ANKS1B: variants seen among roughly 807,000 people sequenced by gnomAD.
The protein encoded by ANKS1B is ankyrin repeat and sterile alpha motif domain containing 1B.
A neutral mutation model predicts 148.3 loss-of-function variants in ANKS1B; 36 were observed. That is an observed-to-expected ratio of 0.24 (90% CI 0.19 to 0.32). The LOEUF (loss-of-function observed/expected upper bound fraction) is 0.32, where lower values mean the gene tolerates loss of function less well. ANKS1B is among the 10% of genes least tolerant of loss of function. The pLI, the probability that ANKS1B is intolerant of heterozygous loss-of-function variation, is 1.00. For synonymous variants in ANKS1B, 542 were observed against 560.8 expected (o/e 0.97, Z 0.47); for missense variants, 1,157 against 1,542.6 (o/e 0.75, Z 4.19).
At chr12:99,837,889 A>G (rs1288206786) in intron 1 of ANKS1B, among the ~76,000 whole-genome samples, 1 of 150,510 alleles carries the variant, frequency 6.6e-6, no homozygotes, top group Non-Finnish European at 1.5e-5. Flanking sequence ...AAATAATTAC[A>G]TTGTACCTTT....
chr12:99,345,049 C>T (rs1383008402), intron 12 of ANKS1B: 1 of 151,994 alleles, frequency 6.6e-6, no homozygotes, highest in African/African-American at 2.4e-5. Flanking sequence ...CTGAAAAAGA[C>T]AACCTGGGAA....
chr12:99,819,755 A>G (rs1353223764), intron 2 of ANKS1B, among the ~76,000 whole-genome samples: 1 of 151,754 alleles, frequency 6.6e-6, no homozygotes, highest in African/African-American at 2.4e-5. Flanking sequence ...CAGGTTTAAT[A>G]TAACCTCACA....
chr12:99,647,987 G>T, intron 9 of ANKS1B: 1 of 721,164 alleles, frequency 1.4e-6, no homozygotes, highest in Non-Finnish European at 2.2e-6. Context: ...ACTGTCTCTG[G>T]CATTGAGCGG....
rs1461604561 is a variant in ANKS1B, at chr12:99,120,694, G to T, written c.2526+33595C>A. ...GACAACGCTGACATTCAGATTTCTG[G>T]CTTAAATGACTGAAAAAATAGTGAT... is the stretch of plus-strand genomic sequence containing the variant. On this transcript the variant is annotated intron_variant, in intron 15 of 26. Coordinates refer to ENST00000683438, the MANE Select transcript of ANKS1B (RefSeq NM_001352186.2). Among the ~76,000 whole-genome samples, 4 of 152,160 alleles carry T rather than the reference G, an allele frequency of 2.6e-5. No homozygotes were observed. The East Asian group carries it at 7.7e-4, about 29-fold the overall frequency.
At chr12:99,544,836 T>C (rs2097158319) in intron 9 of ANKS1B, among the ~76,000 whole-genome samples, 2 of 152,200 alleles carry the variant, frequency 1.3e-5, no homozygotes, top group South Asian at 2.1e-4. Context: ...AAGTCTTACA[T>C]AGTTTTCACA....
intron 17 of ANKS1B, among the ~76,000 whole-genome samples, chr12:98,980,590 TCCTCATAATA>T (rs2099908438): frequency 6.6e-6 from 1 of 152,246 alleles, no homozygotes; most frequent in African/African-American, 2.4e-5. Context: ...GCTTTTTTCC[TCCTCATAATA>T]TGTCACATTT....
chr12:98,735,334 G>T, exon 10 of ANKS1B: 1 of 411,020 alleles, frequency 2.4e-6, no homozygotes, highest in South Asian at 1.0e-4. Context: ...TTGTATTTAT[G>T]ATATAGCTTA....
At chr12:99,652,243 C>T (rs1160061696) in intron 9 of ANKS1B, among the ~76,000 whole-genome samples, 1 of 151,900 alleles carries the variant, frequency 6.6e-6, no homozygotes, top group African/African-American at 2.4e-5. Context: ...GAAGCCGAGG[C>T]GGGCAGATCA....
At chr12:98,906,815 A>G (rs1029061018) in intron 17 of ANKS1B, among the ~76,000 whole-genome samples, 1 of 152,188 alleles carries the variant, frequency 6.6e-6, no homozygotes, top group Non-Finnish European at 1.5e-5. Flanking sequence ...AAGCACTTTC[A>G]TATTCATTTG....
chr12:99,787,221 G>A (rs925124464), intron 4 of ANKS1B, among the ~76,000 whole-genome samples: 1 of 152,074 alleles, frequency 6.6e-6, no homozygotes, highest in Non-Finnish European at 1.5e-5. Flanking sequence ...GAGACCGGCT[G>A]GGAGGTAATT....
intron 17 of ANKS1B, among the ~76,000 whole-genome samples, chr12:98,981,895 C>T (rs764491635): frequency 5.9e-5 from 9 of 152,268 alleles, no homozygotes; most frequent in Middle Eastern, 6.8e-3. Context: ...AGATACTGAA[C>T]GGATTTTCCT....
At chr12:99,269,839 G>C (rs1308930043) in intron 12 of ANKS1B, among the ~76,000 whole-genome samples, 1 of 152,156 alleles carries the variant, frequency 6.6e-6, no homozygotes, top group Non-Finnish European at 1.5e-5. Context: ...GATTACAGGC[G>C]TGAGCCACTG....
At chr12:99,966,029 G>A (rs2095480369) in intron 1 of ANKS1B, among the ~76,000 whole-genome samples, 2 of 152,196 alleles carry the variant, frequency 1.3e-5, no homozygotes, top group South Asian at 4.1e-4. Context: ...TATTGTCTTT[G>A]TGTCAAGATC....
intron 9 of ANKS1B, among the ~76,000 whole-genome samples, chr12:99,515,990 G>T (rs1323611745): frequency 6.6e-6 from 1 of 152,086 alleles, no homozygotes; most frequent in Admixed American, 6.6e-5. Context: ...CAAATCTGTT[G>T]CCCATTTTCT....
intron 15 of ANKS1B, among the ~76,000 whole-genome samples, chr12:99,134,105 T>C (rs142139006): frequency 9.8e-4 from 149 of 152,336 alleles, no homozygotes; most frequent in Non-Finnish European, 2.1e-3. Flanking sequence ...ATGATATTAC[T>C]ACTGCTTTTT....
At chr12:99,360,214 C>T (rs2092359330) in intron 12 of ANKS1B, among the ~76,000 whole-genome samples, 1 of 152,110 alleles carries the variant, frequency 6.6e-6, no homozygotes, top group Non-Finnish European at 1.5e-5. Flanking sequence ...TTGTCACTAA[C>T]AGAATCTCAT....
chr12:99,289,253 G>A (rs553327242), intron 12 of ANKS1B, among the ~76,000 whole-genome samples: 53 of 152,068 alleles, frequency 3.5e-4, no homozygotes, highest in Non-Finnish European at 6.5e-4. Context: ...CAACACTGGA[G>A]GATCAGATAT....
At chr12:99,231,286 T>G (rs2086795699) in intron 14 of ANKS1B, among the ~76,000 whole-genome samples, 2 of 152,144 alleles carry the variant, frequency 1.3e-5, no homozygotes, top group African/African-American at 4.8e-5. Flanking sequence ...GCTGGTTCTC[T>G]ACTTACACCC....
intron 1 of ANKS1B, among the ~76,000 whole-genome samples, chr12:99,863,090 A>G (rs2090250071): frequency 6.6e-6 from 1 of 152,200 alleles, no homozygotes; most frequent in African/African-American, 2.4e-5. Context: ...CGCCATTCAT[A>G]TACAGGCTGA....
Sources: allele counts gnomAD v4.1 joint callset (sites outside exome capture counted in the v4.1 genomes callset), GRCh38; gene constraint gnomAD v4.1.1; transcripts MANE v1.5; gene names NCBI Gene and HGNC (gene_info 2026-07-23, HGNC 2026-07-21).